Variants in LPAR6 observed in about 807,000 individuals in gnomAD.
The protein encoded by LPAR6 is G-protein coupled purinergic receptor P2Y5.
LPAR6 carries 17 observed loss-of-function variants against 22.0 expected under a neutral mutation model. That is an observed-to-expected ratio of 0.77 (90% CI 0.53 to 1.16). The LOEUF (loss-of-function observed/expected upper bound fraction) is 1.16, where lower values mean the gene tolerates loss of function less well. Among genes scored for constraint, LPAR6 ranks in the 50% most tolerant of loss-of-function variants. The pLI, the probability that LPAR6 is intolerant of heterozygous loss-of-function variation, is 0.00. For missense variants in LPAR6, 384 were observed against 406.9 expected (o/e 0.94, Z 0.48); for synonymous variants, 136 against 139.8 (o/e 0.97, Z 0.19).
Position 48,412,387 on chromosome 13 carries a change from C to G in LPAR6, c.37G>C (p.Asp13His), listed in dbSNP as rs1030838293. The change falls in exon 1 of 1, where the codon GAC becomes CAC. Residue 13 changes from aspartate (D) to histidine (H), a missense_variant. Physicochemically the swap from Asp to His is moderately conservative, Grantham distance 81. Coordinates refer to ENST00000620633, the MANE Select transcript of LPAR6 (RefSeq NM_001162498.3). ...SVNSSHCFYN[D>H]SFKYTLYGCM... is the part of the protein sequence containing the mutation. The stretch of plus-strand genomic sequence containing the variant: ...CCATACAAAGTGTACTTAAAGGAGT[C>G]ATTATAGAAGCAGTGGGAGCTGTTA... 6 of 1,613,902 alleles carry G rather than the reference C, an allele frequency of 3.7e-6. No individual in the cohort carries two copies. Among genetic ancestry groups the G allele is most frequent in the Non-Finnish European group, 5.1e-6 (6 of 1,179,924 alleles).
At chr13:48,415,820 C>G (rs1037681897), upstream of LPAR6, 2 of 152,110 alleles carry the variant, frequency 1.3e-5, no homozygotes, top group Non-Finnish European at 2.9e-5. Flanking sequence ...ACTGTTTGAA[C>G]AGGAAGAAGA....
Position 48,412,471 on chromosome 13 carries a change from C to T in LPAR6, c.-48G>A. ...AGTTTGGAAGCACTTTCATCAGCTG[C>T]AGTCTCCTTTGGGATTCAGATTATA... On this transcript the variant is annotated 5_prime_UTR_variant, in exon 1 of 1. Transcript: ENST00000620633. 1 of 1,241,968 alleles carries T rather than the reference C, an allele frequency of 8.1e-7. No homozygotes were observed. Among genetic ancestry groups the T allele is most frequent in the Non-Finnish European group, 1.2e-6 (1 of 840,336 alleles). The allele number at this position is 1,241,968 out of a possible 1,614,324, so 76.9% of individuals were successfully genotyped here.
intron 1 of LPAR6, among the ~76,000 whole-genome samples, chr13:48,392,672 G>A (rs1215717276): frequency 6.6e-6 from 1 of 151,846 alleles, no homozygotes; most frequent in Non-Finnish European, 1.5e-5. Flanking sequence ...TGGGATATAG[G>A]TATTATAACT....
intron 1 of LPAR6, among the ~76,000 whole-genome samples, chr13:48,394,743 C>T (rs1948634798): frequency 1.3e-5 from 2 of 152,208 alleles, no homozygotes; most frequent in South Asian, 4.1e-4. Context: ...GCAGCAGCCC[C>T]AGTCAGGGGC....
chr13:48,424,594 C>A (rs1258773473), intron 1 of LPAR6, among the ~76,000 whole-genome samples: 2 of 60,086 alleles, frequency 3.3e-5, no homozygotes, highest in Non-Finnish European at 7.6e-5. Context: ...GTTGTCCCTT[C>A]TTCCTTATCT....
At position 48,413,044 on chromosome 13, in the gene LPAR6, A is replaced by G. The variant is rs1948844999; in HGVS notation, c.-621T>C. The G allele has an allele frequency of 6.0e-6, 1 of 167,322 alleles. No homozygotes were observed. The highest frequency in any genetic ancestry group is 1.5e-5 in the Non-Finnish European group (1 of 68,310). 10.4% of individuals were successfully genotyped at this position (167,322 alleles called of 1,614,324 possible). A position where few individuals can be genotyped will look rare whatever the true frequency, so the allele number is the denominator to read the frequency against. ...TTAAAGATTCCGAAATAAACTCCCA[A>G]GCTTGTTAGCTCTTGTTGAATTGAG... On this transcript the variant is annotated 5_prime_UTR_variant, in exon 1 of 1. Coordinates refer to ENST00000620633, the MANE Select transcript of LPAR6 (RefSeq NM_001162498.3).
At chr13:48,410,380 T>G (rs901561387), downstream of LPAR6, among the ~76,000 whole-genome samples, 1 of 152,198 alleles carries the variant, frequency 6.6e-6, no homozygotes, top group African/African-American at 2.4e-5. Context: ...GTGTACCATA[T>G]AAGCCTAGGT....
chr13:48,394,025 G>A (rs1948629877), intron 1 of LPAR6, among the ~76,000 whole-genome samples: 1 of 152,184 alleles, frequency 6.6e-6, no homozygotes, highest in Admixed American at 6.5e-5. Context: ...GAAGGCAGGT[G>A]ATTTCTCCAT....
intron 1 of LPAR6, among the ~76,000 whole-genome samples, chr13:48,443,332 T>A (rs1222584681): frequency 1.3e-5 from 2 of 151,896 alleles, no homozygotes; most frequent in African/African-American, 4.8e-5. Context: ...TAATATTTAA[T>A]TCTAGGAAGC....
upstream of LPAR6, among the ~76,000 whole-genome samples, chr13:48,414,696 T>G (rs2138214104): frequency 6.6e-6 from 1 of 152,334 alleles, no homozygotes; most frequent in East Asian, 1.9e-4. Context: ...CACCATTCTT[T>G]CACACTCAGC....
intron 1 of LPAR6, among the ~76,000 whole-genome samples, chr13:48,436,844 A>C (rs990534787): frequency 3.9e-5 from 6 of 152,224 alleles, no homozygotes; most frequent in African/African-American, 1.4e-4. Context: ...GGGTGGCACA[A>C]AAACATTTCC....
chr13:48,412,193 GA>G lies in LPAR6; in HGVS notation c.230del (p.Phe77SerfsTer17), dbSNP rs752000737. The G allele has an allele frequency of 6.2e-7, 1 of 1,613,960 alleles. No homozygotes were observed. Among genetic ancestry groups the G allele is most frequent in the Non-Finnish European group, 8.5e-7 (1 of 1,179,950 alleles). ...CTCCAAATGGCCAATTCCGTGTTGT[GA>G]AGTAAAAAATCCTGAAGGGTAAAGT... is the stretch of plus-strand genomic sequence containing the variant. Reference protein sequence around the residue: ...VFTLPFRIFYFTTRNWPFGDL... With the variant: ...VFTLPFRIFYXTTRNWPFGDL... On this transcript the variant is annotated frameshift_variant, in exon 1 of 1. Transcript: ENST00000620633. LOFTEE classifies it high-confidence loss of function.
chr13:48,393,152 A>G (rs1459563389), intron 1 of LPAR6, among the ~76,000 whole-genome samples: 1 of 152,168 alleles, frequency 6.6e-6, no homozygotes, highest in East Asian at 1.9e-4. Context: ...ACTCCTTCCC[A>G]TGGTTCTTCC....
intron 1 of LPAR6, among the ~76,000 whole-genome samples, chr13:48,438,357 G>A (rs425834): frequency 0.78 from 118,927 of 151,964 alleles, 52,226 homozygotes; most frequent in Non-Finnish European, 0.97. Context: ...TCTTGCTTCT[G>A]AGCACACTAT....
intron 1 of LPAR6, among the ~76,000 whole-genome samples, chr13:48,433,350 TA>T (rs1949149486): frequency 6.6e-6 from 1 of 152,192 alleles, no homozygotes; most frequent in African/African-American, 2.4e-5. Context: ...CTCTAAATTT[TA>T]AAATTATCTT....
chr13:48,418,323 G>A (rs544720230), intron 2 of LPAR6, among the ~76,000 whole-genome samples: 3 of 152,252 alleles, frequency 2.0e-5, no homozygotes, highest in South Asian at 4.1e-4. Flanking sequence ...TCACAGATAA[G>A]CAAATGTTGA....
chr13:48,394,627 C>T (rs964012752), intron 1 of LPAR6, among the ~76,000 whole-genome samples: 1 of 152,134 alleles, frequency 6.6e-6, no homozygotes, highest in Non-Finnish European at 1.5e-5. Flanking sequence ...ACAAAGCCAC[C>T]AGGAAGTTCA....
intron 1 of LPAR6, among the ~76,000 whole-genome samples, chr13:48,442,777 G>A (rs1350166424): frequency 6.6e-6 from 1 of 151,968 alleles, no homozygotes; most frequent in Non-Finnish European, 1.5e-5. Context: ...TAGAAATCTT[G>A]GCTAATTTTG....
At chr13:48,435,070 A>G (rs1949169956) in intron 1 of LPAR6, among the ~76,000 whole-genome samples, 1 of 152,208 alleles carries the variant, frequency 6.6e-6, no homozygotes, top group Non-Finnish European at 1.5e-5. Flanking sequence ...TCTGGGATAA[A>G]TGCCTAATGA....
Sources: gnomAD v4.1 joint callset for allele counts (sites outside exome capture counted in the v4.1 genomes callset) on GRCh38, gnomAD v4.1.1 for gene constraint, MANE v1.5 for transcripts, NCBI Gene and HGNC (gene_info 2026-07-23, HGNC 2026-07-21) for gene names.